Variants in NBAS observed in about 807,000 individuals in gnomAD.
NBAS encodes the protein NAG/BC035112 fusion.
In NBAS, 219 loss-of-function variants were observed where a neutral mutation model predicts 302.5. That is an observed-to-expected ratio of 0.72 (90% CI 0.65 to 0.81). The LOEUF (loss-of-function observed/expected upper bound fraction) is 0.81. NBAS is among the 30% of genes least tolerant of loss of function. NBAS has a pLI of 0.00. For missense variants in NBAS, 2,932 were observed against 2,841.6 expected (o/e 1.03, Z -0.72); for synonymous variants, 1,118 against 1,021.6 (o/e 1.09, Z -1.80).
the NBAS span, among the ~76,000 whole-genome samples, chr2:15,068,625 T>C: frequency 6.6e-6 from 1 of 152,184 alleles, no homozygotes; most frequent in Non-Finnish European, 1.5e-5. Context: ...ATTATATCCA[T>C]GTAGCAGCAG....
chr2:14,975,750 A>T, the NBAS span, among the ~76,000 whole-genome samples: 5 of 152,126 alleles, frequency 3.3e-5, no homozygotes, highest in East Asian at 9.7e-4. Context: ...ATTACCTTCC[A>T]GTGTCCAGAG....
At chr2:15,513,059 A>G (rs1353779444) in intron 9 of NBAS, among the ~76,000 whole-genome samples, 2 of 152,180 alleles carry the variant, frequency 1.3e-5, no homozygotes, top group African/African-American at 4.8e-5. Flanking sequence ...AAATTTTTCA[A>G]AACTATACAA....
rs145751488 is a variant in NBAS at position 15,237,059 on chromosome 2, A to C, written c.5943+1409T>G. Reference sequence around the variant, plus strand: ...CAATTCAATAAATGTGTAAGGTTTAAGAAAAATAAAAGAGGAGGTTAACGG... The same window carrying C: ...CAATTCAATAAATGTGTAAGGTTTACGAAAAATAAAAGAGGAGGTTAACGG... On this transcript the variant is annotated intron_variant, in intron 45 of 51. Coordinates refer to ENST00000281513, the MANE Select transcript of NBAS (RefSeq NM_015909.4). Among the ~76,000 whole-genome samples the C allele has an allele frequency of 2.3e-3, 348 of 152,322 alleles. 2 individuals carry two copies. Among genetic ancestry groups the C allele is most frequent in the African/African-American group, 8.1e-3 (338 of 41,574 alleles).
intron 21 of NBAS, among the ~76,000 whole-genome samples, chr2:15,451,908 C>T (rs762883159): frequency 6.6e-6 from 1 of 151,606 alleles, no homozygotes; most frequent in Non-Finnish European, 1.5e-5. Context: ...TAAACAGAAA[C>T]ATGACCCACA....
At chr2:15,296,714 C>G (rs1413086709) in intron 40 of NBAS, among the ~76,000 whole-genome samples, 1 of 152,052 alleles carries the variant, frequency 6.6e-6, no homozygotes, top group Admixed American at 6.5e-5. Context: ...TGGTGCATGC[C>G]TGTAGTCCTA....
chr2:15,290,135 G>T (rs979159824), intron 41 of NBAS, among the ~76,000 whole-genome samples: 2 of 151,722 alleles, frequency 1.3e-5, no homozygotes, highest in African/African-American at 4.8e-5. Context: ...GGAGAGAGAA[G>T]AGAAGAGAAA....
the NBAS span, among the ~76,000 whole-genome samples, chr2:15,042,577 T>C: frequency 6.6e-6 from 1 of 152,230 alleles, no homozygotes; most frequent in African/African-American, 2.4e-5. Flanking sequence ...GCATCTCTTC[T>C]GAGGGATGAC....
chr2:15,407,683 G>A (rs554054469), intron 25 of NBAS, among the ~76,000 whole-genome samples: 1 of 152,242 alleles, frequency 6.6e-6, no homozygotes, highest in East Asian at 1.9e-4. Flanking sequence ...TTACACAGGT[G>A]TTCTCTTTAG....
intron 47 of NBAS, among the ~76,000 whole-genome samples, chr2:15,224,172 A>G (rs1180761834): frequency 6.6e-6 from 1 of 152,218 alleles, no homozygotes; most frequent in South Asian, 2.1e-4. Context: ...TTCATCTGGC[A>G]TTTCCCTATT....
At chr2:15,492,272 C>T (rs563459771) in intron 11 of NBAS, among the ~76,000 whole-genome samples, 3 of 152,234 alleles carry the variant, frequency 2.0e-5, no homozygotes, top group South Asian at 2.1e-4. Flanking sequence ...TATAAATACA[C>T]ATCAAGTATG....
chr2:15,152,036 G>C, the NBAS span, among the ~76,000 whole-genome samples: 4 of 152,040 alleles, frequency 2.6e-5, no homozygotes, highest in Non-Finnish European at 5.9e-5. Context: ...TTTTAGTAGA[G>C]AGGGGGTTTC....
chr2:15,445,614 C>T (rs1572864184), intron 21 of NBAS, among the ~76,000 whole-genome samples: 3 of 151,456 alleles, frequency 2.0e-5, no homozygotes, highest in Non-Finnish European at 2.9e-5. Flanking sequence ...ATGTAACTAA[C>T]CCGCACATTG....
chr2:14,781,219 T>G, the NBAS span, among the ~76,000 whole-genome samples: 2 of 152,256 alleles, frequency 1.3e-5, no homozygotes, highest in African/African-American at 2.4e-5. Context: ...ATCTCTCATT[T>G]GAACAGACAT....
At position 15,328,162 on chromosome 2, in the gene NBAS, A is replaced by T. The variant is rs377418547; in HGVS notation, c.4461+37T>A. 19 of 1,572,944 alleles carry T rather than the reference A, an allele frequency of 1.2e-5. No individual in the cohort carries two copies. In the African/African-American group the frequency reaches 2.6e-4, roughly 21 times the overall value. On this transcript the variant is annotated intron_variant, in intron 37 of 51. Transcript: ENST00000281513. Reference sequence around the variant, plus strand: ...TGTTTCTACTGTCTACAACAGCATGACAGTTAAATCTATCTTCCTAGACAC... The same window carrying T: ...TGTTTCTACTGTCTACAACAGCATGTCAGTTAAATCTATCTTCCTAGACAC...
At chr2:15,456,498 G>A (rs1218509383) in intron 21 of NBAS, among the ~76,000 whole-genome samples, 2 of 152,188 alleles carry the variant, frequency 1.3e-5, no homozygotes, top group Admixed American at 1.3e-4. Flanking sequence ...CTACTGGTTT[G>A]TACTAGGCAC....
At chr2:15,420,748 AT>A in intron 23 of NBAS, among the ~76,000 whole-genome samples, 1 of 152,178 alleles carries the variant, frequency 6.6e-6, no homozygotes, top group Non-Finnish European at 1.5e-5. Flanking sequence ...GAGTTCTCAA[AT>A]TTTCAAATAA....
intron 13 of NBAS, among the ~76,000 whole-genome samples, chr2:15,476,498 A>AT (rs1680197974): frequency 6.6e-6 from 1 of 152,096 alleles, no homozygotes; most frequent in African/African-American, 2.4e-5. Flanking sequence ...TGAGGTGGGC[A>AT]GACCACAAGG....
intron 47 of NBAS, among the ~76,000 whole-genome samples, chr2:15,229,507 C>A (rs184185867): frequency 5.9e-4 from 90 of 151,944 alleles, no homozygotes; most frequent in African/African-American, 2.1e-3. Flanking sequence ...GTGGGCCTGG[C>A]GCAGTGGCTC....
At chr2:15,490,560 A>G (rs145434415) in intron 11 of NBAS, among the ~76,000 whole-genome samples, 1 of 152,346 alleles carries the variant, frequency 6.6e-6, no homozygotes. Flanking sequence ...TTTAAAGTCA[A>G]TAAGCTCCAT....
Sources: allele counts gnomAD v4.1 joint callset (sites outside exome capture counted in the v4.1 genomes callset), GRCh38; gene constraint gnomAD v4.1.1; transcripts MANE v1.5; gene names NCBI Gene and HGNC (gene_info 2026-07-23, HGNC 2026-07-21).